Variants in GRM8 observed in about 807,000 individuals in gnomAD.
GRM8 encodes metabotropic glutamate receptor 8.
GRM8 carries 47 observed loss-of-function variants against 87.2 expected under a neutral mutation model. The ratio of observed to expected loss-of-function variants is 0.54; its 90% confidence interval spans 0.43 to 0.69. The LOEUF (loss-of-function observed/expected upper bound fraction) is 0.69. GRM8 is among the 30% of genes least tolerant of loss of function. The probability of loss-of-function intolerance (pLI) is 0.00; values close to 1 mark genes in which losing one functional copy is unlikely to be tolerated. For missense variants in GRM8, 1,019 were observed against 1,139.2 expected, an observed-to-expected ratio of 0.89 and a Z score of 1.52; for synonymous variants, 396 against 404.5, an observed-to-expected ratio of 0.98 and a Z score of 0.25.
chr7:126,554,739 T>A (rs1391883877), intron 8 of GRM8, among the ~76,000 whole-genome samples: 2 of 152,234 alleles, frequency 1.3e-5, no homozygotes, highest in African/African-American at 4.8e-5. Flanking sequence ...ATAAAAGTTT[T>A]CAGAAATAGT....
chr7:127,234,465 A>C (rs1441410892), intron 2 of GRM8, among the ~76,000 whole-genome samples: 2 of 152,248 alleles, frequency 1.3e-5, no homozygotes, highest in East Asian at 1.9e-4. Context: ...GATTATGACC[A>C]ATATGAACAG....
chr7:126,850,650 T>A (rs1221080914), intron 6 of GRM8, among the ~76,000 whole-genome samples: 2 of 152,200 alleles, frequency 1.3e-5, no homozygotes, highest in Non-Finnish European at 2.9e-5. Context: ...ATAAATCTTA[T>A]CTATAGAGAA....
At chr7:126,811,626 T>C (rs1001188114) in intron 6 of GRM8, among the ~76,000 whole-genome samples, 1 of 152,068 alleles carries the variant, frequency 6.6e-6, no homozygotes, top group Admixed American at 6.6e-5. Flanking sequence ...TCTGTGGCTA[T>C]AATAAATGGG....
At chr7:127,223,548 G>T (rs1372091248) in intron 2 of GRM8, among the ~76,000 whole-genome samples, 1 of 151,652 alleles carries the variant, frequency 6.6e-6, no homozygotes, top group African/African-American at 2.4e-5. Context: ...GTAGTGAGGA[G>T]CCCCAACACC....
chr7:126,814,670 G>T (rs1011338236), intron 6 of GRM8, among the ~76,000 whole-genome samples: 7 of 150,806 alleles, frequency 4.6e-5, no homozygotes, highest in African/African-American at 7.3e-5. Flanking sequence ...ATAGAGCTCT[G>T]ATTGTCATCC....
chr7:127,182,133 CA>C (rs938707105), intron 2 of GRM8, among the ~76,000 whole-genome samples: 4 of 151,840 alleles, frequency 2.6e-5, no homozygotes, highest in South Asian at 4.1e-4. Context: ...ACAATGAACT[CA>C]AACAAATCAA....
chr7:126,889,630 AT>A (rs1800814289), intron 6 of GRM8, among the ~76,000 whole-genome samples: 1 of 152,156 alleles, frequency 6.6e-6, no homozygotes, highest in Non-Finnish European at 1.5e-5. Flanking sequence ...GTAGAAATAT[AT>A]CTGAATGAAA....
intron 2 of GRM8, among the ~76,000 whole-genome samples, chr7:127,195,558 T>C (rs1795236796): frequency 6.6e-6 from 1 of 152,186 alleles, no homozygotes; most frequent in Non-Finnish European, 1.5e-5. Flanking sequence ...TTACTTAAAG[T>C]ACTCAATGTG....
At chr7:126,648,755 T>G (rs11767976) in intron 7 of GRM8, among the ~76,000 whole-genome samples, 19,844 of 152,000 alleles carry the variant, frequency 0.13, 1,586 homozygotes, top group South Asian at 0.2. Flanking sequence ...ACAGAAAAAT[T>G]TACTATGATT....
intron 3 of GRM8, among the ~76,000 whole-genome samples, chr7:126,936,682 G>T (rs1474727992): frequency 6.6e-6 from 1 of 152,056 alleles, no homozygotes. Context: ...TCTCCCACTT[G>T]CCCCTTCCTG....
intron 2 of GRM8, among the ~76,000 whole-genome samples, chr7:127,233,593 C>A (rs945298370): frequency 6.6e-6 from 1 of 152,152 alleles, no homozygotes; most frequent in Non-Finnish European, 1.5e-5. Context: ...AAGAATAAGT[C>A]ACCATCCACA....
chr7:127,073,981 C>T (rs1015654881), intron 3 of GRM8, among the ~76,000 whole-genome samples: 2 of 152,088 alleles, frequency 1.3e-5, no homozygotes, highest in Non-Finnish European at 1.5e-5. Flanking sequence ...AAAGGAGTAT[C>T]CTTTCATTTA....
intron 9 of GRM8, among the ~76,000 whole-genome samples, chr7:126,487,039 T>C (rs1318714323): frequency 6.6e-6 from 1 of 152,076 alleles, no homozygotes; most frequent in African/African-American, 2.4e-5. Context: ...CAACAGTAAT[T>C]ACCATATCAA....
chr7:126,832,459 C>G (rs989080969), intron 6 of GRM8, among the ~76,000 whole-genome samples: 3 of 151,962 alleles, frequency 2.0e-5, no homozygotes, highest in Admixed American at 6.6e-5. Context: ...TCAGATGAAG[C>G]CAACAAAAAA....
intron 6 of GRM8, among the ~76,000 whole-genome samples, chr7:126,829,304 T>C (rs2130370308): frequency 7.1e-6 from 1 of 140,366 alleles, no homozygotes; most frequent in South Asian, 2.5e-4. Context: ...CAGTGGGGTG[T>C]TAAAGTCTCC....
chr7:127,243,086 A>G lies in GRM8; in HGVS notation c.119T>C (p.Ile40Thr). ...RTHSQEYAHS[I>T]RVDGDIILGG... ...CAAAATAATGTCCCCATCCACCCGT[A>G]TGGAATGGGCATACTCCTGGCTGTG... Residue 40 changes from isoleucine to threonine, a missense_variant, in exon 2 of 11, where the codon ATA becomes ACA. Ile to Thr is a moderately conservative substitution (Grantham distance 89, BLOSUM62 -1). Transcript: ENST00000339582. 1 of 1,613,952 alleles carries G rather than the reference A, an allele frequency of 6.2e-7. No individual in the cohort carries two copies. Among genetic ancestry groups the G allele is most frequent in the Non-Finnish European group, 8.5e-7 (1 of 1,179,888 alleles).
chr7:127,140,692 C>T (rs917541348), intron 2 of GRM8, among the ~76,000 whole-genome samples: 3 of 152,094 alleles, frequency 2.0e-5, no homozygotes, highest in Admixed American at 2.0e-4. Flanking sequence ...TTTAGGGTCA[C>T]CTCCAATTTT....
chr7:126,883,234 C>T (rs1233436237), intron 6 of GRM8, among the ~76,000 whole-genome samples: 1 of 152,150 alleles, frequency 6.6e-6, no homozygotes, highest in African/African-American at 2.4e-5. Context: ...CCTGATTTTC[C>T]TGGGCTAGGT....
intron 7 of GRM8, among the ~76,000 whole-genome samples, chr7:126,764,152 A>G (rs1207675509): frequency 2.0e-5 from 3 of 151,932 alleles, no homozygotes. Context: ...TTTCCCTTAT[A>G]GTAATAATCT....
Sources: allele counts gnomAD v4.1 joint callset (sites outside exome capture counted in the v4.1 genomes callset), GRCh38; gene constraint gnomAD v4.1.1; transcripts MANE v1.5; gene names NCBI Gene and HGNC (gene_info 2026-07-23, HGNC 2026-07-21).